Variants in BICD1 observed in about 807,000 individuals in gnomAD.
BICD1 encodes BICD cargo adaptor 1, also known as protein bicaudal D homolog 1.
In BICD1, 35 loss-of-function variants were observed where a neutral mutation model predicts 92.5. That is an observed-to-expected ratio of 0.38 (90% CI 0.29 to 0.50). The LOEUF (loss-of-function observed/expected upper bound fraction) is 0.50. Ranked by LOEUF, BICD1 falls within the 20% of genes least tolerant of loss-of-function variation. The pLI is 0.93. For synonymous variants in BICD1, 429 were observed against 465.1 expected (o/e 0.92, Z 1.00); for missense variants, 950 against 1,189.8 (o/e 0.80, Z 2.97).
intron 1 of BICD1, among the ~76,000 whole-genome samples, chr12:32,205,618 T>G (rs1283427131): frequency 6.6e-6 from 1 of 150,858 alleles, no homozygotes; most frequent in African/African-American, 2.4e-5. Flanking sequence ...AGGCTTGTAC[T>G]TTGTGCTTTT....
chr12:32,260,070 A>G (rs1946817755), intron 2 of BICD1, among the ~76,000 whole-genome samples: 1 of 151,844 alleles, frequency 6.6e-6, no homozygotes, highest in African/African-American at 2.4e-5. Context: ...GATTACAGGC[A>G]TGCACCACCA....
chr12:32,336,066 C>T (rs1289945960), intron 6 of BICD1, among the ~76,000 whole-genome samples: 1 of 152,160 alleles, frequency 6.6e-6, no homozygotes, highest in Non-Finnish European at 1.5e-5. Flanking sequence ...ACTGAGATCA[C>T]ACCACTGTAC....
At chr12:32,346,486 C>T (rs2136294680) in intron 8 of BICD1, among the ~76,000 whole-genome samples, 1 of 137,318 alleles carries the variant, frequency 7.3e-6, no homozygotes, top group East Asian at 2.2e-4. Flanking sequence ...TAGTTCTTTC[C>T]AGCCTGGGTG....
At chr12:32,167,087 T>C (rs1013236420) in intron 1 of BICD1, among the ~76,000 whole-genome samples, 1 of 152,244 alleles carries the variant, frequency 6.6e-6, no homozygotes, top group Non-Finnish European at 1.5e-5. Context: ...AATAACATAA[T>C]TCACTTGTTT....
chr12:32,324,136 C>T (rs898044588), intron 4 of BICD1, among the ~76,000 whole-genome samples: 11 of 152,082 alleles, frequency 7.2e-5, no homozygotes, highest in East Asian at 1.9e-4. Flanking sequence ...CGAGACCAGC[C>T]GCCAGGCTGA....
intron 1 of BICD1, among the ~76,000 whole-genome samples, chr12:32,131,608 G>A (rs985776883): frequency 1.3e-5 from 2 of 152,200 alleles, no homozygotes; most frequent in Non-Finnish European, 2.9e-5. Context: ...ATTGTGGAAT[G>A]TAAAACAACT....
At chr12:32,226,994 G>A (rs1255067764) in intron 2 of BICD1, among the ~76,000 whole-genome samples, 1 of 151,416 alleles carries the variant, frequency 6.6e-6, no homozygotes, top group Non-Finnish European at 1.5e-5. Context: ...AGGGCCTGGG[G>A]AGGTCCTCGG....
At chr12:32,192,561 G>A (rs555397145) in intron 1 of BICD1, among the ~76,000 whole-genome samples, 6 of 151,804 alleles carry the variant, frequency 4.0e-5, no homozygotes, top group South Asian at 4.2e-4. Flanking sequence ...ACAACATTCC[G>A]TTAAGCCAAA....
At chr12:32,200,275 A>G (rs1944868650) in intron 1 of BICD1, among the ~76,000 whole-genome samples, 1 of 152,176 alleles carries the variant, frequency 6.6e-6, no homozygotes, top group Non-Finnish European at 1.5e-5. Flanking sequence ...TCCAAATAAC[A>G]TATTTTTAAG....
chr12:32,197,198 G>A (rs1209284427), intron 1 of BICD1, among the ~76,000 whole-genome samples: 1 of 151,898 alleles, frequency 6.6e-6, no homozygotes, highest in Non-Finnish European at 1.5e-5. Flanking sequence ...TGGTAGAGGC[G>A]GGGTTTCACC....
intron 1 of BICD1, among the ~76,000 whole-genome samples, chr12:32,125,242 G>A (rs1304522378): frequency 6.6e-6 from 1 of 152,144 alleles, no homozygotes; most frequent in African/African-American, 2.4e-5. Flanking sequence ...CTGATGCCCT[G>A]CAGTCTTGAC....
chr12:32,174,940 G>A (rs1024970892), intron 1 of BICD1, among the ~76,000 whole-genome samples: 3 of 152,038 alleles, frequency 2.0e-5, no homozygotes, highest in South Asian at 4.1e-4. Context: ...TATGCGTTTT[G>A]TTGTCTTTTT....
chr12:32,367,482 G>GAA (rs11351681), intron 8 of BICD1, 188 bp from the exon 9 acceptor site: 581 of 408,324 alleles, frequency 1.4e-3, no homozygotes, highest in East Asian at 5.6e-3. Context: ...CTGTATTTAA[G>GAA]AAAAAAAAAA....
intron 1 of BICD1, among the ~76,000 whole-genome samples, chr12:32,156,858 A>G (rs1943452754): frequency 1.3e-5 from 2 of 152,260 alleles, no homozygotes; most frequent in African/African-American, 4.8e-5. Context: ...GAAAATTACT[A>G]GTGGTCAAGA....
intron 1 of BICD1, among the ~76,000 whole-genome samples, chr12:32,143,855 A>C: frequency 6.6e-6 from 1 of 152,178 alleles, no homozygotes; most frequent in African/African-American, 2.4e-5. Flanking sequence ...ATCCTATGGT[A>C]CTTATAATTT....
chr12:32,152,268 T>TC (rs1317247718), intron 1 of BICD1, among the ~76,000 whole-genome samples: 1 of 151,608 alleles, frequency 6.6e-6, no homozygotes, highest in Non-Finnish European at 1.5e-5. Flanking sequence ...TTTTTTTTTT[T>TC]TTAACAGTCT....
chr12:32,163,644 GAAATATAA>G (rs958916304), intron 1 of BICD1, among the ~76,000 whole-genome samples: 23 of 152,086 alleles, frequency 1.5e-4, no homozygotes, highest in African/African-American at 5.1e-4. Flanking sequence ...TTTATTATAT[GAAATATAA>G]AAATATAAAA....
At chr12:32,329,297 A>G (rs1363854310) in intron 5 of BICD1, among the ~76,000 whole-genome samples, 1 of 151,928 alleles carries the variant, frequency 6.6e-6, no homozygotes, top group Non-Finnish European at 1.5e-5. Flanking sequence ...GAATTTCACC[A>G]TATTGTCTAG....
chr12:32,116,464 C>CTGTCTG (rs1183296987), intron 1 of BICD1, among the ~76,000 whole-genome samples: 54 of 64,990 alleles, frequency 8.3e-4, no homozygotes, highest in South Asian at 2.1e-3. Context: ...GTCTGTCTGT[C>CTGTCTG]TCTCTCTCTC....
Sources: gnomAD v4.1 joint callset for allele counts (sites outside exome capture counted in the v4.1 genomes callset) on GRCh38, gnomAD v4.1.1 for gene constraint, MANE v1.5 for transcripts, NCBI Gene and HGNC (gene_info 2026-07-23, HGNC 2026-07-21) for gene names.